Variants in PAFAH1B2 observed in about 807,000 individuals in gnomAD.
PAFAH1B2 encodes platelet-activating factor acetylhydrolase IB subunit alpha2.
In PAFAH1B2, 8 loss-of-function variants were observed where a neutral mutation model predicts 28.0. The observed-to-expected ratio is 0.29, with a 90% CI of 0.17 to 0.52. The LOEUF (loss-of-function observed/expected upper bound fraction) is 0.52. PAFAH1B2 is among the 20% of genes least tolerant of loss of function. The pLI is 0.97. For missense variants in PAFAH1B2, 190 were observed against 282.6 expected, an observed-to-expected ratio of 0.67 and a Z score of 2.35; for synonymous variants, 104 against 103.2, an observed-to-expected ratio of 1.01 and a Z score of -0.05.
At chr11:117,150,765 T>G (rs1459811388) in intron 1 of PAFAH1B2, among the ~76,000 whole-genome samples, 3 of 151,998 alleles carry the variant, frequency 2.0e-5, no homozygotes, top group Non-Finnish European at 4.4e-5. Flanking sequence ...GAAGATGACC[T>G]CCTTTTCTTC....
intron 1 of PAFAH1B2, among the ~76,000 whole-genome samples, chr11:117,144,779 C>T (rs573451132): frequency 6.6e-6 from 1 of 152,034 alleles, no homozygotes; most frequent in Non-Finnish European, 1.5e-5. Flanking sequence ...CCGGGCCCAC[C>T]CGCGGTAGGC....
chr11:117,156,458 A>G (rs1237096589), intron 2 of PAFAH1B2, among the ~76,000 whole-genome samples: 2 of 152,186 alleles, frequency 1.3e-5, no homozygotes. Flanking sequence ...TTCTGGCCCC[A>G]GACATATAGT....
downstream of PAFAH1B2, among the ~76,000 whole-genome samples, chr11:117,172,382 ATATATATATATATATATATATATTT>A (rs1300174941): frequency 6.1e-3 from 17 of 2,776 alleles, no homozygotes; most frequent in East Asian, 0.12. Flanking sequence ...ATATATATAT[ATATATATATATATATATATATATTT>A]TTTTTTTTTT....
chr11:117,168,892 A>T lies in PAFAH1B2; in HGVS notation c.*1193A>T, dbSNP rs1407236650. The stretch of plus-strand genomic sequence containing the variant: ...TGCAGCCTCCACCTCCCGAGTTCAA[A>T]TGATTCTCCTGCCTCAGCTTCCTGA... On this transcript the variant is annotated 3_prime_UTR_variant, in exon 6 of 6. Transcript: ENST00000527958. 1 of 364,944 alleles carries T rather than the reference A, an allele frequency of 2.7e-6. No homozygotes were observed. Among genetic ancestry groups the T allele is most frequent in the Non-Finnish European group, 4.0e-6 (1 of 251,354 alleles). The allele number at this position is 364,944 out of a possible 1,614,324, so 22.6% of individuals were successfully genotyped here.
At chr11:117,171,083 G>A, downstream of PAFAH1B2, 1 of 1,019,796 alleles carries the variant, frequency 9.8e-7, no homozygotes, top group Non-Finnish European at 1.2e-6. Flanking sequence ...TCATAGTTTG[G>A]ATTCTAATGA....
chr11:117,158,558 CT>C (rs1956303241), intron 2 of PAFAH1B2, among the ~76,000 whole-genome samples: 1 of 150,710 alleles, frequency 6.6e-6, no homozygotes, highest in South Asian at 2.1e-4. Flanking sequence ...TGATATAATA[CT>C]TTATTGAACT....
At chr11:117,171,113 C>T (rs561357570), downstream of PAFAH1B2, 3 of 973,256 alleles carry the variant, frequency 3.1e-6, no homozygotes, top group Non-Finnish European at 3.7e-6. Context: ...ATGGTTTTTC[C>T]CTGCCTTATC....
At chr11:117,159,393 A>T (rs1219106293) in intron 2 of PAFAH1B2, 1 of 152,288 alleles carries the variant, frequency 6.6e-6, no homozygotes, top group Non-Finnish European at 1.5e-5. Context: ...TTTCTAGGCC[A>T]AGAAGTCTCA....
At chr11:117,157,547 G>T (rs1011645145) in intron 2 of PAFAH1B2, among the ~76,000 whole-genome samples, 2 of 152,070 alleles carry the variant, frequency 1.3e-5, no homozygotes, top group African/African-American at 4.8e-5. Flanking sequence ...CATCTGCATT[G>T]GTATTGTCAA....
rs34339279 is a variant in PAFAH1B2, at chr11:117,146,839, G to GAA, written c.-8+2436_-8+2437dup. 1.4e-4 allele frequency among the ~76,000 whole-genome samples: 6 copies of GAA among 41,614 alleles called. 1 individual carries two copies. Among genetic ancestry groups the GAA allele is most frequent in the Admixed American group, 8.7e-4 (3 of 3,454 alleles). The allele number at this position is 41,614 out of a possible 152,430, so 27.3% of individuals were successfully genotyped here. On this transcript the variant is annotated intron_variant, in intron 1 of 5. Coordinates refer to ENST00000527958, the MANE Select transcript of PAFAH1B2 (RefSeq NM_002572.4). ...AATATGGTGAGATCCCCATCTATTG[G>GAA]AAAAAAAAAAAAAAAAGGTCAGGCA... is the stretch of plus-strand genomic sequence containing the variant.
chr11:117,172,061 C>G (rs1342503341), downstream of PAFAH1B2, among the ~76,000 whole-genome samples: 1 of 151,778 alleles, frequency 6.6e-6, no homozygotes, highest in Admixed American at 6.6e-5. Context: ...TGTGGATTAC[C>G]CCATGTGAAC....
At position 117,149,429 on chromosome 11, in the gene PAFAH1B2, C is replaced by CTTTTTTTTTTTTTT. The variant is rs1565260556; in HGVS notation, c.-7-3012_-7-3011insTTTTTTTTTTTTTT. On this transcript the variant is annotated intron_variant, in intron 1 of 5. Transcript: ENST00000527958. ...TTTAATTTAAAAAAAGTTTTCTAAT[C>CTTTTTTTTTTTTTT]GTTTTTTTTTTTTTTGAGATGGAGT... is the stretch of plus-strand genomic sequence containing the variant. Among the ~76,000 whole-genome samples, 143 of 33,496 alleles carry CTTTTTTTTTTTTTT rather than the reference C, an allele frequency of 4.3e-3. 6 individuals carry two copies. The highest frequency in any genetic ancestry group is 8.1e-3 in the African/African-American group (76 of 9,404). The allele number at this position is 33,496 out of a possible 152,430, so 22.0% of individuals were successfully genotyped here. A position where few individuals can be genotyped will look rare whatever the true frequency, so the allele number is the denominator to read the frequency against.
downstream of PAFAH1B2, among the ~76,000 whole-genome samples, chr11:117,172,104 A>G (rs903362641): frequency 2.0e-5 from 3 of 152,040 alleles, no homozygotes; most frequent in African/African-American, 7.2e-5. Flanking sequence ...TGGAAGTGGT[A>G]GTAATGTGGA....
chr11:117,159,859 G>T, intron 2 of PAFAH1B2, 75 bp from the exon 3 acceptor site: 1 of 1,020,666 alleles, frequency 9.8e-7, no homozygotes, highest in Non-Finnish European at 1.5e-6. Context: ...CCAAAATGTT[G>T]AGAGTTCAAG....
intron 2 of PAFAH1B2, among the ~76,000 whole-genome samples, chr11:117,153,722 A>G (rs1956204239): frequency 6.6e-6 from 1 of 152,030 alleles, no homozygotes; most frequent in South Asian, 2.1e-4. Context: ...TGTATATACT[A>G]ACGTAGTGGG....
At chr11:117,149,592 A>G (rs898640703) in intron 1 of PAFAH1B2, among the ~76,000 whole-genome samples, 1 of 149,928 alleles carries the variant, frequency 6.7e-6, no homozygotes, top group Non-Finnish European at 1.5e-5. Context: ...ACGCCCAGCT[A>G]ATTTTTTTTT....
chr11:117,168,448 T>G lies in PAFAH1B2; in HGVS notation c.*749T>G. On this transcript the variant is annotated 3_prime_UTR_variant, in exon 6 of 6. Coordinates refer to ENST00000527958, the MANE Select transcript of PAFAH1B2 (RefSeq NM_002572.4). ...CCCTTCATTCCCCCCGCCACCCCGT[T>G]TTTTTTTTTTTTTTTTTTTTTTTGG... 8 of 581,202 alleles carry G rather than the reference T, an allele frequency of 1.4e-5. No individual in the cohort carries two copies. The highest frequency in any genetic ancestry group is 1.1e-4 in the South Asian group (1 of 8,934). 36.0% of individuals were successfully genotyped at this position (581,202 alleles called of 1,614,324 possible).
chr11:117,154,516 C>T (rs1018775867), intron 2 of PAFAH1B2, among the ~76,000 whole-genome samples: 3 of 152,212 alleles, frequency 2.0e-5, no homozygotes, highest in African/African-American at 7.2e-5. Context: ...TGCACCATTA[C>T]TGCAGCCTTG....
intron 2 of PAFAH1B2, among the ~76,000 whole-genome samples, chr11:117,156,660 T>C (rs1045923676): frequency 6.6e-6 from 1 of 152,190 alleles, no homozygotes; most frequent in Non-Finnish European, 1.5e-5. Flanking sequence ...AGAAAAGTAC[T>C]AGAACCTTTA....
Sources: allele counts gnomAD v4.1 joint callset (sites outside exome capture counted in the v4.1 genomes callset), GRCh38; gene constraint gnomAD v4.1.1; transcripts MANE v1.5; gene names NCBI Gene and HGNC (gene_info 2026-07-23, HGNC 2026-07-21).